The following RAD51B variants were observed in gnomAD, a reference collection of about 807,000 sequenced individuals.
RAD51B encodes DNA repair protein RAD51 homolog 2.
RAD51B carries 38 observed loss-of-function variants against 42.2 expected under a neutral mutation model. That is an observed-to-expected ratio of 0.90 (90% CI 0.70 to 1.18). The LOEUF (loss-of-function observed/expected upper bound fraction) is 1.18. RAD51B is among the 50% of genes most tolerant of loss of function. The pLI is 0.00. For synonymous variants in RAD51B, 154 were observed against 145.2 expected (o/e 1.06, Z -0.43); for missense variants, 373 against 400.7 (o/e 0.93, Z 0.59).
intron 10 of RAD51B, among the ~76,000 whole-genome samples, chr14:68,507,743 G>A (rs574115942): frequency 6.6e-6 from 1 of 152,176 alleles, no homozygotes; most frequent in African/African-American, 2.4e-5. Context: ...TCACTCCTCA[G>A]CATAGCTCAG....
intron 7 of RAD51B, among the ~76,000 whole-genome samples, chr14:68,159,840 C>A (rs1286039033): frequency 6.6e-6 from 1 of 151,914 alleles, no homozygotes; most frequent in African/African-American, 2.4e-5. Context: ...TTTCATTTTC[C>A]TATTTTTGGG....
intron 10 of RAD51B, among the ~76,000 whole-genome samples, chr14:68,640,475 A>T (rs1278628103): frequency 6.6e-6 from 1 of 152,212 alleles, no homozygotes; most frequent in Non-Finnish European, 1.5e-5. Flanking sequence ...TGTAAGAAAC[A>T]TTTATTGTAT....
At chr14:67,946,264 G>A (rs1013500601) in intron 7 of RAD51B, among the ~76,000 whole-genome samples, 1 of 152,154 alleles carries the variant, frequency 6.6e-6, no homozygotes, top group Non-Finnish European at 1.5e-5. Context: ...AGGAAAGGGG[G>A]AAAAGTTGTT....
At chr14:68,013,451 C>T (rs1399047463) in intron 7 of RAD51B, among the ~76,000 whole-genome samples, 2 of 152,080 alleles carry the variant, frequency 1.3e-5, no homozygotes, top group Admixed American at 6.6e-5. Flanking sequence ...GCATGCTGGA[C>T]CAGAAATACG....
intron 7 of RAD51B, among the ~76,000 whole-genome samples, chr14:68,051,290 C>T (rs1372694967): frequency 1.3e-5 from 2 of 152,052 alleles, no homozygotes; most frequent in Admixed American, 6.5e-5. Flanking sequence ...TTTCTTGGCA[C>T]TACTAAATTA....
chr14:68,178,702 G>C (rs924572984), intron 7 of RAD51B, among the ~76,000 whole-genome samples: 7 of 152,132 alleles, frequency 4.6e-5, no homozygotes, highest in African/African-American at 1.7e-4. Context: ...TTGGAAATTG[G>C]CAGAATGTGG....
intron 7 of RAD51B, among the ~76,000 whole-genome samples, chr14:68,118,977 G>C (rs114070495): frequency 0.013 from 1,951 of 151,604 alleles, 44 homozygotes; most frequent in African/African-American, 0.045. Context: ...TTTTTATTGA[G>C]ACAAAGTCTC....
intron 7 of RAD51B, among the ~76,000 whole-genome samples, chr14:67,968,143 G>A (rs1237376589): frequency 6.6e-6 from 1 of 152,200 alleles, no homozygotes; most frequent in African/African-American, 2.4e-5. Context: ...GCAATGGCTG[G>A]AGTGGCTGGG....
At chr14:68,155,413 C>T (rs1255350019) in intron 7 of RAD51B, among the ~76,000 whole-genome samples, 1 of 151,978 alleles carries the variant, frequency 6.6e-6, no homozygotes, top group South Asian at 2.1e-4. Context: ...AGGATGGTCT[C>T]GATCTCTTGA....
At chr14:68,506,309 A>G (rs1885316636) in intron 10 of RAD51B, among the ~76,000 whole-genome samples, 1 of 152,214 alleles carries the variant, frequency 6.6e-6, no homozygotes, top group African/African-American at 2.4e-5. Flanking sequence ...ATGGGAAGGA[A>G]TGCCTTTGTC....
At chr14:67,873,321 A>C (rs990963255) in intron 5 of RAD51B, among the ~76,000 whole-genome samples, 10 of 152,226 alleles carry the variant, frequency 6.6e-5, no homozygotes, top group Non-Finnish European at 1.0e-4. Flanking sequence ...TTATGCAGCC[A>C]AAAACACATG....
chr14:68,671,976 C>T (rs1893168208), intron 11 of RAD51B, among the ~76,000 whole-genome samples: 1 of 152,128 alleles, frequency 6.6e-6, no homozygotes, highest in African/African-American at 2.4e-5. Context: ...CCTAGAATCC[C>T]ACAGGACAGT....
intron 10 of RAD51B, among the ~76,000 whole-genome samples, chr14:68,503,623 G>A (rs957160159): frequency 6.6e-6 from 1 of 152,216 alleles, no homozygotes; most frequent in African/African-American, 2.4e-5. Flanking sequence ...GTGTCAGCTG[G>A]AATTCAACCC....
At chr14:68,090,519 T>G (rs1347556931) in intron 7 of RAD51B, among the ~76,000 whole-genome samples, 2 of 152,072 alleles carry the variant, frequency 1.3e-5, no homozygotes, top group Non-Finnish European at 2.9e-5. Context: ...TAAGAAAAGT[T>G]CACTTTGATT....
At chr14:68,406,209 A>T (rs2084270024) in intron 8 of RAD51B, among the ~76,000 whole-genome samples, 1 of 152,202 alleles carries the variant, frequency 6.6e-6, no homozygotes, top group Non-Finnish European at 1.5e-5. Context: ...ATACAGTCAT[A>T]TGTCACTTAA....
intron 7 of RAD51B, among the ~76,000 whole-genome samples, chr14:68,268,562 C>G (rs1482908617): frequency 1.3e-5 from 2 of 152,198 alleles, no homozygotes; most frequent in East Asian, 3.8e-4. Flanking sequence ...GAATCATAAA[C>G]TATGGGCTTT....
Position 68,484,364 on chromosome 14 carries a change from T to TC in RAD51B, c.1036+16114_1036+16115insC, listed in dbSNP as rs561764198. On this transcript the variant is annotated intron_variant, in intron 10 of 10. Transcript: ENST00000487270. ...GGGCTATTTTCTTTCTTTTTCTTTT[T>TC]TTTTTTTTTTTGAGACAGAGTTTTG... 2.3e-3 allele frequency among the ~76,000 whole-genome samples: 348 copies of TC among 149,248 alleles called. 2 individuals are homozygous for TC. Among genetic ancestry groups the TC allele is most frequent in the Non-Finnish European group, 4.3e-3 (288 of 67,344 alleles).
intron 10 of RAD51B, among the ~76,000 whole-genome samples, chr14:68,591,778 G>C (rs1386972481): frequency 6.6e-6 from 1 of 152,208 alleles, no homozygotes; most frequent in Non-Finnish European, 1.5e-5. Flanking sequence ...GGCCTGGGGA[G>C]ATCTTTAGGG....
chr14:67,877,951 C>A (rs73280460), intron 5 of RAD51B, among the ~76,000 whole-genome samples: 6 of 152,288 alleles, frequency 3.9e-5, no homozygotes, highest in Middle Eastern at 3.4e-3. Context: ...AAGCATAAGC[C>A]GCCATGCCTG....
Sources: gnomAD v4.1 joint callset for allele counts (sites outside exome capture counted in the v4.1 genomes callset) on GRCh38, gnomAD v4.1.1 for gene constraint, MANE v1.5 for transcripts, NCBI Gene and HGNC (gene_info 2026-07-23, HGNC 2026-07-21) for gene names.